Variants in DHX57 observed in about 807,000 individuals in gnomAD.
The protein encoded by DHX57 is putative ATP-dependent RNA helicase DHX57.
DHX57 carries 105 observed loss-of-function variants against 156.2 expected under a neutral mutation model. The ratio of observed to expected loss-of-function variants is 0.67; its 90% CI spans 0.57 to 0.79. The LOEUF (loss-of-function observed/expected upper bound fraction) is 0.79. DHX57 is among the 30% of genes least tolerant of loss of function. The pLI is 0.00. For synonymous variants in DHX57, 704 were observed against 595.6 expected (o/e 1.18, Z -2.65); for missense variants, 1,847 against 1,661.9 (o/e 1.11, Z -1.94).
At chr2:38,862,082 G>C in intron 4 of DHX57, 63 bp downstream of exon 4, 2 of 1,513,706 alleles carry the variant, frequency 1.3e-6, no homozygotes, top group Non-Finnish European at 1.8e-6. Context: ...GGGGTAGTGG[G>C]TTTATATGAT....
chr2:38,830,624 G>A (rs1027114007), intron 13 of DHX57, among the ~76,000 whole-genome samples: 7 of 149,698 alleles, frequency 4.7e-5, no homozygotes, highest in African/African-American at 1.7e-4. Flanking sequence ...GTGAGACTCC[G>A]TCTCAATAAA....
chr2:38,824,342 G>C (rs1240035431), intron 16 of DHX57, among the ~76,000 whole-genome samples: 1 of 152,212 alleles, frequency 6.6e-6, no homozygotes, highest in African/African-American at 2.4e-5. Context: ...ATGGTTGCCA[G>C]GGGCTGGACA....
At chr2:38,806,975 G>A (rs761150989) in intron 21 of DHX57, among the ~76,000 whole-genome samples, 5 of 150,338 alleles carry the variant, frequency 3.3e-5, no homozygotes, top group Non-Finnish European at 5.9e-5. Flanking sequence ...TTTTGGGTCT[G>A]TACTGATGAT....
At position 38,798,201 on chromosome 2, in the gene DHX57, C is replaced by A. The variant is rs1419805524; in HGVS notation, c.*98G>T. ...ATGCCCTGGGCTCCTCCACCAGGGC[C>A]AGCCCCAATAGGTCTTTAGTTCGAG... On this transcript the variant is annotated 3_prime_UTR_variant, in exon 24 of 24. Coordinates refer to ENST00000457308, the MANE Select transcript of DHX57 (RefSeq NM_198963.3). The A allele has an allele frequency of 6.0e-6, 9 of 1,498,636 alleles. No homozygotes were observed. The highest frequency in any genetic ancestry group is 1.4e-5 in the African/African-American group (1 of 71,416). The allele number at this position is 1,498,636 out of a possible 1,614,324, so 92.8% of individuals were successfully genotyped here.
chr2:38,814,065 G>A (rs1205095392), intron 20 of DHX57, among the ~76,000 whole-genome samples, 170 bp from the exon 21 acceptor site: 1 of 152,082 alleles, frequency 6.6e-6, no homozygotes, highest in Non-Finnish European at 1.5e-5. Context: ...AGCCTCCCGA[G>A]TAGCTGGGAT....
At chr2:38,815,083 T>G (rs1670456919) in intron 20 of DHX57, among the ~76,000 whole-genome samples, 1 of 151,802 alleles carries the variant, frequency 6.6e-6, no homozygotes, top group Non-Finnish European at 1.5e-5. Context: ...TTTTTTTTTT[T>G]TGAGACAGGG....
intron 13 of DHX57, among the ~76,000 whole-genome samples, chr2:38,832,387 G>T (rs908887311): frequency 1.3e-5 from 2 of 151,990 alleles, no homozygotes; most frequent in Non-Finnish European, 2.9e-5. Flanking sequence ...TTGCAGAGCC[G>T]AGATTGCGCC....
At position 38,804,381 on chromosome 2, in the gene DHX57, T is replaced by C. The variant is rs191082157; in HGVS notation, c.3817-1466A>G. Among the ~76,000 whole-genome samples the C allele has an allele frequency of 3.8e-3, 578 of 152,168 alleles. 5 individuals carry two copies. Among genetic ancestry groups the C allele is most frequent in the African/African-American group, 0.013 (553 of 41,516 alleles). On this transcript the variant is annotated intron_variant, in intron 22 of 23. Transcript: ENST00000457308. ...GACACATGCCTGTAATCCCAGCTACTCAGGGGGCTGAGGCATGAGAATCCC... is the reference window on the plus strand; with the variant it reads ...GACACATGCCTGTAATCCCAGCTACCCAGGGGGCTGAGGCATGAGAATCCC...
chr2:38,840,675 C>A (rs116506808), intron 12 of DHX57, among the ~76,000 whole-genome samples: 196 of 152,276 alleles, frequency 1.3e-3, no homozygotes, highest in African/African-American at 4.5e-3. Context: ...GTTTCCTGAC[C>A]TCAACTCCTC....
chr2:38,863,359 A>G lies in DHX57; in HGVS notation c.383+2T>C. ...ATAATTGACTCAAATAAAACAATTT[A>G]CTCAGATCCAGCATCAGCATCTTGT... is the stretch of plus-strand genomic sequence containing the variant. On this transcript the variant is annotated splice_donor_variant, in intron 3 of 23. Transcript: ENST00000457308. LOFTEE classifies it high-confidence loss of function. 6.2e-7 allele frequency: 1 copy of G among 1,605,342 alleles called. No homozygotes were observed. The highest frequency in any genetic ancestry group is 8.5e-7 in the Non-Finnish European group (1 of 1,177,960).
Position 38,861,202 on chromosome 2 carries a change from G to A in DHX57, c.1208C>T (p.Thr403Ile). Residue 403 changes from threonine to isoleucine, a missense_variant, in exon 5 of 24, where the codon ACT becomes ATT. By Grantham distance (89) the Thr-to-Ile change is moderately conservative (BLOSUM62 -1). Transcript: ENST00000457308. ...CAAAGAATATACGACAGGTTCCGAA[G>A]TTTCCGCAAATGTCAAGGCCTTGTC... ...LYDKALTFAE[T>I]SEPVVYSLIT... The A allele has an allele frequency of 1.2e-6, 2 of 1,614,146 alleles. No individual in the cohort carries two copies. The highest frequency in any genetic ancestry group is 8.5e-7 in the Non-Finnish European group (1 of 1,180,032).
intron 4 of DHX57, 66 bp downstream of exon 4, chr2:38,862,079 T>A (rs558863679): frequency 3.9e-5 from 59 of 1,497,958 alleles, no homozygotes; most frequent in Non-Finnish European, 5.2e-5. Context: ...AGAGGGGTAG[T>A]GGGTTTATAT....
intron 17 of DHX57, among the ~76,000 whole-genome samples, chr2:38,822,547 C>T (rs1436645086): frequency 1.3e-5 from 2 of 152,140 alleles, no homozygotes; most frequent in Middle Eastern, 3.4e-3. Flanking sequence ...GTGCACATCA[C>T]CACGCCTGGC....
chr2:38,870,848 C>G (rs957545670), intron 1 of DHX57, among the ~76,000 whole-genome samples: 1 of 151,488 alleles, frequency 6.6e-6, no homozygotes. Flanking sequence ...CACTGCACTC[C>G]AGCCTGGGTG....
At position 38,806,599 on chromosome 2, in the gene DHX57, T is replaced by C. The variant is rs1000726146; in HGVS notation, c.3776A>G (p.Asp1259Gly). The C allele has an allele frequency of 6.2e-7, 1 of 1,614,058 alleles. No homozygotes were observed. The highest frequency in any genetic ancestry group is 8.5e-7 in the Non-Finnish European group (1 of 1,180,038). The change falls in exon 22 of 24, where the codon GAT becomes GGT. Residue 1259 changes from aspartate (D) to glycine (G), a missense_variant. Transcript: ENST00000457308. Reference protein sequence around the residue: ...SAELKFVTKNDGYVHIHPSSV... With the variant: ...SAELKFVTKNGGYVHIHPSSV... ...TGAAGGGTGAATGTGTACATATCCA[T>C]CGTTCTTGGTGACAAACTTCAACTC...
chr2:38,860,973 C>T lies in DHX57; in HGVS notation c.1411+26G>A, dbSNP rs1428545941. 3.8e-6 allele frequency: 6 copies of T among 1,586,832 alleles called. No homozygotes were observed. The South Asian group carries it at 4.5e-5, about 12-fold the overall frequency. ...TAAACCCATCATTCTGAATGCCTCCCTCCACAAGATCAATGCCTTACATAC... is the reference window on the plus strand; with the variant it reads ...TAAACCCATCATTCTGAATGCCTCCTTCCACAAGATCAATGCCTTACATAC... On this transcript the variant is annotated intron_variant, in intron 5 of 23. Coordinates refer to ENST00000457308, the MANE Select transcript of DHX57 (RefSeq NM_198963.3).
At chr2:38,830,657 G>C (rs558029748) in intron 13 of DHX57, among the ~76,000 whole-genome samples, 77 of 151,694 alleles carry the variant, frequency 5.1e-4, no homozygotes, top group African/African-American at 1.7e-3. Flanking sequence ...AAGGCTACTA[G>C]TACCCCTACT....
chr2:38,828,441 G>T lies in DHX57; in HGVS notation c.2543-5C>A. 1.3e-6 allele frequency: 2 copies of T among 1,598,040 alleles called. No homozygotes were observed. The highest frequency in any genetic ancestry group is 1.7e-6 in the Non-Finnish European group (2 of 1,172,304). ...GTAAAAATACAAGTATAGCACCTGG[G>T]TATATAAAAAGAATCAATATGTGGG... On this transcript the variant is annotated splice_polypyrimidine_tract_variant and splice_region_variant and intron_variant, in intron 13 of 23. Transcript: ENST00000457308.
At chr2:38,866,234 G>A (rs1248398219) in intron 2 of DHX57, among the ~76,000 whole-genome samples, 1 of 152,122 alleles carries the variant, frequency 6.6e-6, no homozygotes. Context: ...CCTAATAATG[G>A]CCCATGAAGT....
Sources: gnomAD v4.1 joint callset for allele counts (sites outside exome capture counted in the v4.1 genomes callset) on GRCh38, gnomAD v4.1.1 for gene constraint, MANE v1.5 for transcripts, NCBI Gene and HGNC (gene_info 2026-07-23, HGNC 2026-07-21) for gene names.